The following EIF2AK3 variants were observed in gnomAD, a reference collection of about 807,000 sequenced individuals.
EIF2AK3 encodes eukaryotic translation initiation factor 2-alpha kinase 3.
Under a neutral mutation model 113.5 loss-of-function variants are expected in EIF2AK3, and 50 were observed. That is an observed-to-expected ratio of 0.44 (90% CI 0.35 to 0.56). EIF2AK3 has a LOEUF of 0.56. Ranked by LOEUF, EIF2AK3 falls within the 20% of genes least tolerant of loss-of-function variation. EIF2AK3 has a pLI of 0.00. For synonymous variants in EIF2AK3, 448 were observed against 495.4 expected (o/e 0.90, Z 1.27); for missense variants, 1,185 against 1,378.0 (o/e 0.86, Z 2.22).
At position 88,586,162 on chromosome 2, in the gene EIF2AK3, A is replaced by G. The variant is rs1225467378; in HGVS notation, c.1430-101T>C. On this transcript the variant is annotated intron_variant, in intron 8 of 16. Coordinates refer to ENST00000303236, the MANE Select transcript of EIF2AK3 (RefSeq NM_004836.7). ...CCATTTTCCTGTGACTTATCACATT[A>G]ATTCCTTTTAAGTTTTGTCTCTCTT... The G allele has an allele frequency of 4.4e-6, 4 of 899,142 alleles. No individual in the cohort carries two copies. In the African/African-American group the frequency reaches 5.1e-5, roughly 11 times the overall value. The allele number at this position is 899,142 out of a possible 1,614,324, so 55.7% of individuals were successfully genotyped here.
chr2:88,610,369 G>T (rs1167077306), intron 2 of EIF2AK3, among the ~76,000 whole-genome samples: 2 of 152,150 alleles, frequency 1.3e-5, no homozygotes, highest in Non-Finnish European at 2.9e-5. Context: ...TTAGTGTTCA[G>T]AGTATAAAAT....
At chr2:88,593,641 T>C (rs1364406672) in intron 3 of EIF2AK3, among the ~76,000 whole-genome samples, 1 of 152,192 alleles carries the variant, frequency 6.6e-6, no homozygotes, top group Non-Finnish European at 1.5e-5. Context: ...ATTTACATAA[T>C]TTTAGCCTTA....
At chr2:88,571,145 T>C in intron 13 of EIF2AK3, 104 bp from the exon 14 acceptor site, 1 of 1,338,512 alleles carries the variant, frequency 7.5e-7, no homozygotes, top group Non-Finnish European at 1.1e-6. Context: ...ACAAACTAGA[T>C]ATTTTCAAGC....
intron 15 of EIF2AK3, among the ~76,000 whole-genome samples, chr2:88,559,665 C>CTATGGAGTTGCCTCTTCTGAATATTTCAT (rs1199718621): frequency 6.6e-6 from 1 of 151,986 alleles, no homozygotes; most frequent in African/African-American, 2.4e-5. Flanking sequence ...ATCTTTGTTT[C>CTATGGAGTTGCCTCTTCTGAATATTTCAT]TATGGAGTTG....
intron 15 of EIF2AK3, among the ~76,000 whole-genome samples, chr2:88,560,072 G>C (rs184732596): frequency 1.3e-5 from 2 of 152,266 alleles, no homozygotes; most frequent in East Asian, 3.9e-4. Flanking sequence ...CACCAGCAAC[G>C]TATGAGGGTT....
rs539156033 is a variant in EIF2AK3 at position 88,602,970 on chromosome 2, G to T, written c.439-7307C>A. 1.6e-4 allele frequency among the ~76,000 whole-genome samples: 25 copies of T among 151,520 alleles called. 1 individual carries two copies. In the South Asian group the frequency reaches 3.6e-3, roughly 22 times the overall value. ...CCTGGAACTTAAAGTAAAAAAAAAA[G>T]AAAAATAAAAATATGCCATTAAAAA... is the stretch of plus-strand genomic sequence containing the variant. On this transcript the variant is annotated intron_variant, in intron 2 of 16. Coordinates refer to ENST00000303236, the MANE Select transcript of EIF2AK3 (RefSeq NM_004836.7).
chr2:88,573,332 TAGC>T (rs1239006132), intron 13 of EIF2AK3, among the ~76,000 whole-genome samples: 2 of 152,210 alleles, frequency 1.3e-5, no homozygotes, highest in Admixed American at 6.5e-5. Context: ...ATTATAAAAT[TAGC>T]AGAAGAATAT....
intron 1 of EIF2AK3, among the ~76,000 whole-genome samples, chr2:88,615,672 C>T (rs895300782): frequency 1.3e-5 from 2 of 152,160 alleles, no homozygotes; most frequent in Admixed American, 1.3e-4. Context: ...TAGCAGCATT[C>T]AAACCTGCTA....
At chr2:88,581,338 C>T (rs1323122210) in intron 10 of EIF2AK3, among the ~76,000 whole-genome samples, 2 of 151,990 alleles carry the variant, frequency 1.3e-5, no homozygotes, top group Non-Finnish European at 2.9e-5. Context: ...ACAAATACAT[C>T]TTTATTCATG....
chr2:88,604,444 G>A (rs1433428667), intron 2 of EIF2AK3, among the ~76,000 whole-genome samples: 1 of 152,178 alleles, frequency 6.6e-6, no homozygotes, highest in Non-Finnish European at 1.5e-5. Context: ...GATCATACAA[G>A]AGAGGCCTTC....
chr2:88,613,922 C>T, intron 1 of EIF2AK3, 69 bp from the exon 2 acceptor site: 5 of 1,429,638 alleles, frequency 3.5e-6, no homozygotes, highest in Non-Finnish European at 3.8e-6. Context: ...CCCACATGCT[C>T]AAAAGAAAAC....
intron 2 of EIF2AK3, among the ~76,000 whole-genome samples, chr2:88,602,579 C>A (rs184971835): frequency 3.9e-5 from 6 of 152,184 alleles, no homozygotes; most frequent in Admixed American, 3.9e-4. Flanking sequence ...CCTGTCCCAC[C>A]TAAGAACCCC....
intron 14 of EIF2AK3, 58 bp from the exon 15 acceptor site, chr2:88,562,448 T>C: frequency 7.2e-7 from 1 of 1,380,968 alleles, no homozygotes. Context: ...CAGTTGATAT[T>C]ACAGCATTAT....
chr2:88,582,573 A>C (rs954410262), intron 10 of EIF2AK3, among the ~76,000 whole-genome samples: 2 of 152,210 alleles, frequency 1.3e-5, no homozygotes, highest in Non-Finnish European at 2.9e-5. Context: ...AATTGTCACA[A>C]GTATTTCCTT....
intron 13 of EIF2AK3, among the ~76,000 whole-genome samples, chr2:88,574,256 A>G (rs1674391250): frequency 6.6e-6 from 1 of 152,146 alleles, no homozygotes; most frequent in Non-Finnish European, 1.5e-5. Flanking sequence ...CCCTTTCACC[A>G]TGCTGCTTCA....
intron 11 of EIF2AK3, among the ~76,000 whole-genome samples, chr2:88,577,044 C>T (rs1187800482): frequency 2.7e-5 from 4 of 149,188 alleles, no homozygotes; most frequent in African/African-American, 5.0e-5. Context: ...AGTGCAGTGG[C>T]GCAATCTCGG....
In EIF2AK3 at chr2:88,602,638, A is replaced by G. The variant is rs550127450; in HGVS notation, c.439-6975T>C. ...AATAACATTCTTACAATATTTACAA[A>G]TAAATAATTCTTACAACTTACAAAT... is the stretch of plus-strand genomic sequence containing the variant. On this transcript the variant is annotated intron_variant, in intron 2 of 16. Transcript: ENST00000303236. Among the ~76,000 whole-genome samples, 3 of 152,334 alleles carry G rather than the reference A, an allele frequency of 2.0e-5. No homozygotes were observed. The East Asian group carries it at 5.8e-4, about 29-fold the overall frequency.
At chr2:88,560,228 T>TCA (rs2104383045) in intron 15 of EIF2AK3, among the ~76,000 whole-genome samples, 1 of 152,350 alleles carries the variant, frequency 6.6e-6, no homozygotes, top group Non-Finnish European at 1.5e-5. Flanking sequence ...GAGCATCTTT[T>TCA]CACATGCTTA....
At chr2:88,615,814 C>T (rs998483691) in intron 1 of EIF2AK3, among the ~76,000 whole-genome samples, 1 of 152,060 alleles carries the variant, frequency 6.6e-6, no homozygotes, top group African/African-American at 2.4e-5. Flanking sequence ...GTCTCCTAAT[C>T]TCTTCCTCTC....
Sources: allele counts gnomAD v4.1 joint callset (sites outside exome capture counted in the v4.1 genomes callset), GRCh38; gene constraint gnomAD v4.1.1; transcripts MANE v1.5; gene names NCBI Gene and HGNC (gene_info 2026-07-23, HGNC 2026-07-21).